Variants in FBXL17 observed in about 807,000 individuals in gnomAD.
FBXL17 encodes the protein F-box/LRR-repeat protein 17.
FBXL17 carries 22 observed loss-of-function variants against 66.2 expected under a neutral mutation model. That is an observed-to-expected ratio of 0.33 (90% CI 0.24 to 0.47). FBXL17 has a LOEUF of 0.47. Ranked by LOEUF, FBXL17 falls within the 20% of genes least tolerant of loss-of-function variation. The probability of loss-of-function intolerance (pLI) is 1.00; values close to 1 mark genes in which losing one functional copy is unlikely to be tolerated. For synonymous variants in FBXL17, 474 were observed against 400.5 expected, an observed-to-expected ratio of 1.18 and a Z score of -2.19; for missense variants, 878 against 948.2, an observed-to-expected ratio of 0.93 and a Z score of 0.97.
At chr5:107,868,282 T>A (rs1289600734) in intron 8 of FBXL17, among the ~76,000 whole-genome samples, 2 of 152,224 alleles carry the variant, frequency 1.3e-5, no homozygotes, top group African/African-American at 4.8e-5. Context: ...CTGTAAAATG[T>A]TTACTGACAT....
intron 6 of FBXL17, among the ~76,000 whole-genome samples, chr5:108,161,197 C>CATACATACATACATA (rs1561440676): frequency 6.8e-6 from 1 of 147,914 alleles, no homozygotes; most frequent in African/African-American, 2.5e-5. Context: ...TACATACATA[C>CATACATACATACATA]CCCAGCCCAG....
intron 4 of FBXL17, among the ~76,000 whole-genome samples, chr5:108,289,987 A>T (rs889388478): frequency 6.6e-6 from 1 of 152,212 alleles, no homozygotes; most frequent in Non-Finnish European, 1.5e-5. Flanking sequence ...AATGCTATGC[A>T]GATTCATAGG....
chr5:108,298,491 T>A, intron 4 of FBXL17: 1 of 976,562 alleles, frequency 1.0e-6, no homozygotes, highest in Non-Finnish European at 1.2e-6. Context: ...AAGCCCTAAG[T>A]TTTTCTTTAT....
chr5:107,974,258 C>T (rs183560183), intron 7 of FBXL17, among the ~76,000 whole-genome samples: 84 of 152,170 alleles, frequency 5.5e-4, no homozygotes, highest in African/African-American at 2.0e-3. Flanking sequence ...CTGTGATAGT[C>T]AACAACGTAC....
intron 7 of FBXL17, among the ~76,000 whole-genome samples, chr5:108,010,312 T>TG (rs1356412961): frequency 6.6e-6 from 1 of 152,212 alleles, no homozygotes; most frequent in African/African-American, 2.4e-5. Flanking sequence ...AGCAAGTTGA[T>TG]GGACTAGCTA....
At chr5:108,262,964 A>G (rs1341416714) in intron 4 of FBXL17, among the ~76,000 whole-genome samples, 2 of 150,648 alleles carry the variant, frequency 1.3e-5, no homozygotes, top group Non-Finnish European at 2.9e-5. Flanking sequence ...ATACTGTTCA[A>G]TCTGAACTTA....
At chr5:108,100,598 C>T (rs1749563271) in intron 6 of FBXL17, among the ~76,000 whole-genome samples, 1 of 152,136 alleles carries the variant, frequency 6.6e-6, no homozygotes, top group African/African-American at 2.4e-5. Flanking sequence ...TTTTATAACA[C>T]AGAATTAAAA....
intron 6 of FBXL17, among the ~76,000 whole-genome samples, chr5:108,098,942 A>C (rs1469295177): frequency 6.6e-6 from 1 of 152,202 alleles, no homozygotes; most frequent in Non-Finnish European, 1.5e-5. Context: ...TTCAGAGAAT[A>C]TAAGATCAGT....
chr5:108,231,812 A>G (rs911530028), intron 4 of FBXL17, among the ~76,000 whole-genome samples: 1 of 152,192 alleles, frequency 6.6e-6, no homozygotes, highest in African/African-American at 2.4e-5. Flanking sequence ...AGATCCATAC[A>G]GGATACAGGA....
chr5:108,129,299 A>G (rs1328735705), intron 6 of FBXL17, among the ~76,000 whole-genome samples: 1 of 152,088 alleles, frequency 6.6e-6, no homozygotes, highest in Admixed American at 6.6e-5. Flanking sequence ...AATCAATGCA[A>G]TGTATTCACT....
At chr5:108,020,224 T>C (rs924555929) in intron 7 of FBXL17, among the ~76,000 whole-genome samples, 1 of 151,946 alleles carries the variant, frequency 6.6e-6, no homozygotes, top group Admixed American at 6.6e-5. Context: ...AAGCCTAATA[T>C]ATTTTCTGCT....
chr5:108,112,292 T>A (rs1009214571), intron 6 of FBXL17, among the ~76,000 whole-genome samples: 19 of 152,202 alleles, frequency 1.2e-4, no homozygotes, highest in African/African-American at 4.6e-4. Flanking sequence ...GGGAAATATC[T>A]GGAGCTTAGG....
At chr5:108,331,651 A>G (rs1168802042) in intron 4 of FBXL17, among the ~76,000 whole-genome samples, 3 of 152,188 alleles carry the variant, frequency 2.0e-5, no homozygotes, top group Non-Finnish European at 4.4e-5. Context: ...GACACTACAC[A>G]TTGATAAGTA....
At chr5:108,178,271 C>T (rs1280948211) in intron 6 of FBXL17, among the ~76,000 whole-genome samples, 1 of 152,040 alleles carries the variant, frequency 6.6e-6, no homozygotes, top group Non-Finnish European at 1.5e-5. Context: ...TGGTCTTGAA[C>T]TCCTGAGCTC....
At chr5:108,374,612 G>A (rs1352203634) in intron 1 of FBXL17, among the ~76,000 whole-genome samples, 2 of 152,126 alleles carry the variant, frequency 1.3e-5, no homozygotes, top group Admixed American at 6.6e-5. Context: ...GAAGGCAGAA[G>A]TTGCAGTGAG....
chr5:108,345,178 C>CAA (rs11413389), intron 4 of FBXL17, among the ~76,000 whole-genome samples: 1 of 150,296 alleles, frequency 6.7e-6, no homozygotes, highest in African/African-American at 2.4e-5. Context: ...ACTAAAAATA[C>CAA]AAAAAAAAAT....
chr5:108,151,763 G>A (rs1038448709), intron 6 of FBXL17, among the ~76,000 whole-genome samples: 1 of 152,108 alleles, frequency 6.6e-6, no homozygotes, highest in African/African-American at 2.4e-5. Context: ...TTACCTCTGC[G>A]AAAAACCTGG....
intron 7 of FBXL17, among the ~76,000 whole-genome samples, chr5:107,993,184 C>T (rs998075274): frequency 9.9e-5 from 15 of 152,130 alleles, no homozygotes; most frequent in African/African-American, 2.9e-4. Flanking sequence ...CGTGAGCCAC[C>T]GCACCCGGCC....
intron 6 of FBXL17, among the ~76,000 whole-genome samples, chr5:108,039,098 C>T (rs1215526028): frequency 6.6e-6 from 1 of 152,004 alleles, no homozygotes; most frequent in Non-Finnish European, 1.5e-5. Context: ...CTAATTCCTA[C>T]CAGGGCAGAA....
Sources: allele counts gnomAD v4.1 joint callset (sites outside exome capture counted in the v4.1 genomes callset), GRCh38; gene constraint gnomAD v4.1.1; transcripts MANE v1.5; gene names NCBI Gene and HGNC (gene_info 2026-07-23, HGNC 2026-07-21).